ITGA9: variants seen among roughly 807,000 people sequenced by gnomAD.
ITGA9 encodes the protein integrin subunit alpha 9.
A neutral mutation model predicts 127.8 loss-of-function variants in ITGA9; 56 were observed. The observed-to-expected ratio is 0.44, with a 90% CI of 0.35 to 0.55. The LOEUF is 0.55. Ranked by LOEUF, ITGA9 falls within the 20% of genes least tolerant of loss-of-function variation. The pLI is 0.00. For synonymous variants in ITGA9, 508 were observed against 514.5 expected, an observed-to-expected ratio of 0.99 and a Z score of 0.17; for missense variants, 1,196 against 1,347.1, an observed-to-expected ratio of 0.89 and a Z score of 1.76.
At chr3:37,784,442 C>T (rs1309476832) in intron 25 of ITGA9, among the ~76,000 whole-genome samples, 2 of 152,168 alleles carry the variant, frequency 1.3e-5, no homozygotes, top group East Asian at 1.9e-4. Flanking sequence ...ACCCCTTCCC[C>T]ATCTCTCCAT....
chr3:37,573,222 G>A (rs1699619964), intron 15 of ITGA9: 1 of 152,140 alleles, frequency 6.6e-6, no homozygotes, highest in South Asian at 2.1e-4. Context: ...TCAGAGCTGG[G>A]ATTTTAACTT....
chr3:37,525,186 G>C (rs1481530540), intron 12 of ITGA9, among the ~76,000 whole-genome samples: 1 of 152,160 alleles, frequency 6.6e-6, no homozygotes, highest in Admixed American at 6.5e-5. Context: ...GGAAGAGTAA[G>C]TACTTCCTAA....
At chr3:37,454,848 G>T (rs1698239394) in intron 1 of ITGA9, among the ~76,000 whole-genome samples, 1 of 151,528 alleles carries the variant, frequency 6.6e-6, no homozygotes. Context: ...TGTATTTTTT[G>T]CTGTATGTAT....
intron 22 of ITGA9, among the ~76,000 whole-genome samples, chr3:37,744,268 A>T (rs941907158): frequency 6.6e-5 from 10 of 152,262 alleles, no homozygotes; most frequent in African/African-American, 2.4e-4. Flanking sequence ...CCACGTCATG[A>T]ATGCCAGTTT....
chr3:37,651,085 C>G (rs916413757), intron 16 of ITGA9, among the ~76,000 whole-genome samples: 9 of 152,116 alleles, frequency 5.9e-5, no homozygotes, highest in Non-Finnish European at 1.3e-4. Context: ...AGTACAAGCA[C>G]TCATATAACC....
chr3:37,574,040 A>T (rs893036435), intron 15 of ITGA9, among the ~76,000 whole-genome samples: 2 of 152,162 alleles, frequency 1.3e-5, no homozygotes, highest in African/African-American at 4.8e-5. Context: ...AGGCCTTAAA[A>T]GTTCCATGTA....
At chr3:37,522,431 G>C (rs1699053411) in intron 11 of ITGA9, among the ~76,000 whole-genome samples, 1 of 152,176 alleles carries the variant, frequency 6.6e-6, no homozygotes, top group African/African-American at 2.4e-5. Context: ...TGAACTTAAT[G>C]ATGAATAAGA....
At chr3:37,710,417 T>C (rs1249176430) in intron 18 of ITGA9, among the ~76,000 whole-genome samples, 1 of 150,928 alleles carries the variant, frequency 6.6e-6, no homozygotes, top group Non-Finnish European at 1.5e-5. Context: ...CCCACACACA[T>C]AAATAGAGAA....
intron 18 of ITGA9, among the ~76,000 whole-genome samples, chr3:37,708,880 G>C (rs958286938): frequency 2.0e-5 from 3 of 152,202 alleles, no homozygotes. Context: ...TCAGCATGAT[G>C]GCGTTTAAGT....
chr3:37,670,954 C>T (rs759095472), intron 17 of ITGA9, among the ~76,000 whole-genome samples: 10 of 152,196 alleles, frequency 6.6e-5, no homozygotes, highest in Non-Finnish European at 1.2e-4. Context: ...CTGTCTGCCC[C>T]GCTAGCTTTG....
chr3:37,589,603 G>A (rs570679111), intron 15 of ITGA9, among the ~76,000 whole-genome samples: 2 of 152,158 alleles, frequency 1.3e-5, no homozygotes, highest in African/African-American at 4.8e-5. Flanking sequence ...TCATGAAAGA[G>A]GTTTTTAATC....
chr3:37,682,369 C>T (rs575918512), intron 17 of ITGA9, among the ~76,000 whole-genome samples: 2 of 152,352 alleles, frequency 1.3e-5, no homozygotes, highest in Admixed American at 6.5e-5. Context: ...TCTGGCCTGT[C>T]TGCCATATTG....
At chr3:37,761,397 A>G (rs1423878950) in intron 23 of ITGA9, among the ~76,000 whole-genome samples, 1 of 152,224 alleles carries the variant, frequency 6.6e-6, no homozygotes, top group Non-Finnish European at 1.5e-5. Context: ...TTCTGATAGT[A>G]GGTGTATATT....
Position 37,777,387 on chromosome 3 carries a change from T to G in ITGA9, c.2542-5T>G. The G allele has an allele frequency of 6.2e-7, 1 of 1,614,166 alleles. No individual in the cohort carries two copies. Among genetic ancestry groups the G allele is most frequent in the Non-Finnish European group, 8.5e-7 (1 of 1,180,000 alleles). ...CTCCTCTGACAGGCCTCTTTTCATT[T>G]GCAGGTGGGCCAAGAGAAGGGAAAC... On this transcript the variant is annotated splice_region_variant and splice_polypyrimidine_tract_variant and intron_variant, in intron 23 of 27. Transcript: ENST00000264741.
At chr3:37,805,791 T>C (rs1318879787) in intron 27 of ITGA9, 3 of 152,088 alleles carry the variant, frequency 2.0e-5, no homozygotes, top group Non-Finnish European at 4.4e-5. Flanking sequence ...GCCTCCTGAA[T>C]AGTTGGGATT....
intron 17 of ITGA9, among the ~76,000 whole-genome samples, chr3:37,670,067 A>G (rs910655267): frequency 6.6e-6 from 1 of 151,958 alleles, no homozygotes; most frequent in African/African-American, 2.4e-5. Flanking sequence ...TTCAGTTAAC[A>G]GTTGTGTTTT....
chr3:37,474,856 G>T (rs1452937155), intron 3 of ITGA9, among the ~76,000 whole-genome samples: 1 of 152,200 alleles, frequency 6.6e-6, no homozygotes, highest in African/African-American at 2.4e-5. Context: ...AAGTGTTTTT[G>T]TCCCCTCTCT....
chr3:37,523,671 T>C, intron 12 of ITGA9, 60 bp downstream of exon 12: 1 of 1,185,692 alleles, frequency 8.4e-7, no homozygotes, highest in South Asian at 1.2e-5. Flanking sequence ...TGAAGTAGAA[T>C]AATTTTCAGT....
intron 19 of ITGA9, among the ~76,000 whole-genome samples, chr3:37,734,324 G>A (rs1324646718): frequency 2.0e-5 from 3 of 152,236 alleles, no homozygotes; most frequent in Admixed American, 1.3e-4. Context: ...CTATAGTAAT[G>A]TATGTGGCAC....
Sources: allele counts gnomAD v4.1 joint callset (sites outside exome capture counted in the v4.1 genomes callset), GRCh38; gene constraint gnomAD v4.1.1; transcripts MANE v1.5; gene names NCBI Gene and HGNC (gene_info 2026-07-23, HGNC 2026-07-21).